TFDP1: variants seen among roughly 807,000 people sequenced by gnomAD.
TFDP1 encodes DRTF1-polypeptide 1.
In TFDP1, 6 loss-of-function variants were observed where a neutral mutation model predicts 48.0. The ratio of observed to expected loss-of-function variants is 0.13; its 90% CI spans 0.07 to 0.25. The LOEUF is 0.25. Among genes scored for constraint, TFDP1 ranks in the 10% least tolerant of loss-of-function variants. TFDP1 has a pLI of 1.00. For synonymous variants in TFDP1, 201 were observed against 211.6 expected (o/e 0.95, Z 0.44); for missense variants, 335 against 543.0 (o/e 0.62, Z 3.81).
rs1320900391 is a variant in TFDP1, at chr13:113,593,597, G to C, written c.12+7748G>C. ...CAGGTGACAGGTGTGCTGTGTGTGG[G>C]TCCTCACCCTGCCCAGGTGACAGTT... is the stretch of plus-strand genomic sequence containing the variant. On this transcript the variant is annotated intron_variant, in intron 2 of 11. Coordinates refer to ENST00000375370, the MANE Select transcript of TFDP1 (RefSeq NM_007111.5). Among the ~76,000 whole-genome samples the C allele has an allele frequency of 2.2e-5, 3 of 137,382 alleles. 1 individual carries two copies. The highest frequency in any genetic ancestry group is 4.6e-5 in the Non-Finnish European group (3 of 64,630). The allele number at this position is 137,382 out of a possible 152,430, so 90.1% of individuals were successfully genotyped here.
intron 1 of TFDP1, chr13:113,585,504 C>T: frequency 4.4e-6 from 1 of 227,170 alleles, no homozygotes; most frequent in Non-Finnish European, 8.7e-6. Context: ...GCCCCACCCT[C>T]GGCCGCTGGG....
chr13:113,601,796 T>TTACCCGCAGGAGTTGAG (rs1566644023), intron 2 of TFDP1, among the ~76,000 whole-genome samples: 119 of 151,682 alleles, frequency 7.8e-4, no homozygotes, highest in African/African-American at 2.8e-3. Context: ...CAGGAGTTGA[T>TTACCCGCAGGAGTTGAG]GGGGGAGCAG....
intron 2 of TFDP1, among the ~76,000 whole-genome samples, chr13:113,606,627 C>T (rs570237008): frequency 2.2e-4 from 33 of 152,262 alleles, no homozygotes; most frequent in Middle Eastern, 3.4e-3. Context: ...GCTGCCTGCT[C>T]CCGCTCACGT....
intron 2 of TFDP1, among the ~76,000 whole-genome samples, chr13:113,610,135 C>T (rs1386439103): frequency 6.6e-6 from 1 of 150,896 alleles, no homozygotes; most frequent in Non-Finnish European, 1.5e-5. Flanking sequence ...TGTGGCTGTA[C>T]TGTCATGTGT....
In TFDP1 at chr13:113,635,885, G is replaced by C. The variant is rs533380855; in HGVS notation, c.688-92G>C. The C allele has an allele frequency of 1.0e-5, 15 of 1,439,158 alleles. No homozygotes were observed. In the South Asian group the frequency reaches 1.5e-4, roughly 14 times the overall value. 89.1% of individuals were successfully genotyped at this position (1,439,158 alleles called of 1,614,324 possible). ...GTCCAGGCCAACTCCTCGCTGTCAC[G>C]TGGACGCAGGGAGGGCTGTGAGGAC... On this transcript the variant is annotated intron_variant, in intron 8 of 11. Transcript: ENST00000375370.
At chr13:113,606,788 C>G (rs1373997615) in intron 2 of TFDP1, among the ~76,000 whole-genome samples, 2 of 152,174 alleles carry the variant, frequency 1.3e-5, no homozygotes, top group Non-Finnish European at 2.9e-5. Context: ...GATTTTGACA[C>G]ACATTGTATT....
chr13:113,622,159 G>A (rs772518920), intron 3 of TFDP1, among the ~76,000 whole-genome samples: 16 of 152,206 alleles, frequency 1.1e-4, no homozygotes, highest in Non-Finnish European at 1.5e-4. Flanking sequence ...TTTCCCTTTT[G>A]TCTTGTATCC....
chr13:113,620,699 C>T (rs141996555), intron 3 of TFDP1, among the ~76,000 whole-genome samples: 2 of 152,312 alleles, frequency 1.3e-5, no homozygotes, highest in Non-Finnish European at 2.9e-5. Flanking sequence ...ACAATCTTTA[C>T]TTTTCAATTG....
Position 113,627,421 on chromosome 13 carries a change from C to T in TFDP1, c.186+4135C>T, listed in dbSNP as rs1000133715. Among the ~76,000 whole-genome samples the T allele has an allele frequency of 6.6e-6, 1 of 152,200 alleles. No homozygotes were observed. The highest frequency in any genetic ancestry group is 1.5e-5 in the Non-Finnish European group (1 of 68,042). ...CCACCCAGGCCTGTGTCCCAGAAGT[C>T]GGCATCTGTGGTCGCAGTGGCCTTT... is the stretch of plus-strand genomic sequence containing the variant. On this transcript the variant is annotated intron_variant, in intron 4 of 11. Transcript: ENST00000375370. This position sits in a 1 kb window ranked among gnomAD's most constrained non-coding sequence, Gnocchi z 4.1.
chr13:113,614,341 C>T (rs1435430433), intron 3 of TFDP1, among the ~76,000 whole-genome samples: 1 of 152,156 alleles, frequency 6.6e-6, no homozygotes, highest in African/African-American at 2.4e-5. Flanking sequence ...GCCCCCCTTG[C>T]CTCTAGTTGG....
intron 1 of TFDP1, chr13:113,585,330 C>T (rs1485130938): frequency 6.6e-6 from 1 of 151,718 alleles, no homozygotes; most frequent in East Asian, 1.9e-4. Flanking sequence ...CGGAAGCCCA[C>T]CTGTCAGAGT....
chr13:113,620,463 C>T (rs534855578), intron 3 of TFDP1, among the ~76,000 whole-genome samples: 9 of 152,318 alleles, frequency 5.9e-5, no homozygotes, highest in African/African-American at 1.2e-4. Context: ...ATTAGAGACT[C>T]GTTTGCAAAT....
intron 3 of TFDP1, among the ~76,000 whole-genome samples, chr13:113,613,162 GCC>G (rs2048749038): frequency 6.6e-6 from 1 of 152,254 alleles, no homozygotes; most frequent in East Asian, 1.9e-4. Context: ...GATTAGAGGT[GCC>G]CACCACCATA....
chr13:113,618,279 T>A (rs1439264658), intron 3 of TFDP1, among the ~76,000 whole-genome samples: 2 of 152,166 alleles, frequency 1.3e-5, no homozygotes, highest in Admixed American at 1.3e-4. Flanking sequence ...CCCAGCACTT[T>A]GAGAGGCCAA....
rs773344349 is a variant in TFDP1 at position 113,636,540 on chromosome 13, G to A, written c.846G>A (p.Glu282=). 19 of 1,613,794 alleles carry A rather than the reference G, an allele frequency of 1.2e-5. 1 individual carries two copies. In the Middle Eastern group the frequency reaches 5.2e-4, roughly 44 times the overall value. Residue 282 remains glutamate, a synonymous_variant, in exon 10 of 12, where the codon GAG becomes GAA. Coordinates refer to ENST00000375370, the MANE Select transcript of TFDP1 (RefSeq NM_007111.5). Reference sequence around the variant, plus strand: ...CTGTGCCTTTCCCCTTCAGATTTGAGTATCTGTTTAATTTTGACAACACAT... The same window carrying A: ...CTGTGCCTTTCCCCTTCAGATTTGAATATCTGTTTAATTTTGACAACACAT... The part of the protein sequence containing the change: ...IDCSISNDKF[E]YLFNFDNTFE...
chr13:113,622,671 A>G (rs957596185), intron 3 of TFDP1, among the ~76,000 whole-genome samples: 1 of 152,158 alleles, frequency 6.6e-6, no homozygotes, highest in Admixed American at 6.5e-5. Flanking sequence ...CGCTTGCTTC[A>G]CCAGTGTTCT....
At chr13:113,619,435 C>T in intron 3 of TFDP1, among the ~76,000 whole-genome samples, 1 of 151,182 alleles carries the variant, frequency 6.6e-6, no homozygotes, top group Non-Finnish European at 1.5e-5. Flanking sequence ...CATGTCACTG[C>T]CCTCCAGCCT....
At chr13:113,609,763 CT>C (rs1416671852) in intron 2 of TFDP1, among the ~76,000 whole-genome samples, 10 of 152,130 alleles carry the variant, frequency 6.6e-5, no homozygotes, top group Non-Finnish European at 1.5e-4. Flanking sequence ...ATTCGGGTGC[CT>C]TTACCCTCAG....
chr13:113,590,032 G>A (rs1359458484), intron 2 of TFDP1, among the ~76,000 whole-genome samples: 1 of 152,252 alleles, frequency 6.6e-6, no homozygotes, highest in African/African-American at 2.4e-5. Flanking sequence ...ACTTCGGGAT[G>A]TAGCCCGTGT....
Sources: gnomAD v4.1 joint callset for allele counts (sites outside exome capture counted in the v4.1 genomes callset) on GRCh38, gnomAD v4.1.1 for gene constraint, Gnocchi (gnomAD v3.1) non-coding constraint, MANE v1.5 for transcripts, NCBI Gene and HGNC (gene_info 2026-07-23, HGNC 2026-07-21) for gene names.